The following SYNE2 variants were observed in gnomAD, a reference collection of about 807,000 sequenced individuals.
The protein encoded by SYNE2 is nesprin-2.
Under a neutral mutation model 856.3 loss-of-function variants are expected in SYNE2, and 431 were observed. That is an observed-to-expected ratio of 0.50 (90% CI 0.47 to 0.55). SYNE2 has a LOEUF of 0.55. SYNE2 is among the 20% of genes least tolerant of loss of function. The pLI, the probability that SYNE2 is intolerant of heterozygous loss-of-function variation, is 0.00. For missense variants in SYNE2, 8,129 were observed against 8,023.2 expected, an observed-to-expected ratio of 1.01 and a Z score of -0.50; for synonymous variants, 2,923 against 2,872.3, an observed-to-expected ratio of 1.02 and a Z score of -0.56.
intron 103 of SYNE2, 91 bp from the exon 104 acceptor site, chr14:64,211,870 C>T: frequency 2.5e-6 from 4 of 1,585,062 alleles, no homozygotes; most frequent in South Asian, 1.1e-5. Context: ...ATTCTGGGTA[C>T]CCTTTTCTTG....
intron 12 of SYNE2, among the ~76,000 whole-genome samples, 196 bp downstream of exon 12, chr14:63,976,923 A>G (rs542381257): frequency 6.6e-6 from 1 of 151,980 alleles, no homozygotes; most frequent in East Asian, 1.9e-4. Context: ...TAAGATTGAA[A>G]CAATTAGGAT....
intron 84 of SYNE2, among the ~76,000 whole-genome samples, chr14:64,151,753 T>G (rs2098246261): frequency 6.6e-6 from 1 of 152,190 alleles, no homozygotes; most frequent in African/African-American, 2.4e-5. Flanking sequence ...GAATTCAAAA[T>G]GAATCCCTCT....
chr14:64,085,016 C>T, intron 57 of SYNE2: 2 of 702,346 alleles, frequency 2.8e-6, no homozygotes, highest in Non-Finnish European at 5.2e-6. Context: ...AGCTGGCTTC[C>T]CTCAGCATAA....
chr14:63,945,153 G>A (rs1285061676), intron 6 of SYNE2, among the ~76,000 whole-genome samples: 1 of 80,794 alleles, frequency 1.2e-5, no homozygotes, highest in Admixed American at 1.4e-4. Flanking sequence ...GTAAACTTTT[G>A]TTGATGTATA....
chr14:63,942,818 A>G (rs1248502531), intron 6 of SYNE2, among the ~76,000 whole-genome samples: 2 of 151,784 alleles, frequency 1.3e-5, no homozygotes, highest in African/African-American at 2.4e-5. Flanking sequence ...TTTTGTAGAG[A>G]TGGGGTTTCA....
intron 101 of SYNE2, 197 bp from the exon 102 acceptor site, chr14:64,209,229 CCT>C (rs2098627198): frequency 1.0e-6 from 1 of 956,532 alleles, no homozygotes; most frequent in Non-Finnish European, 1.5e-6. Context: ...GGTTTTTTAA[CCT>C]CTGTGAAGCA....
chr14:63,886,257 G>A (rs1303128973), intron 1 of SYNE2, among the ~76,000 whole-genome samples: 1 of 152,168 alleles, frequency 6.6e-6, no homozygotes, highest in Non-Finnish European at 1.5e-5. Context: ...CAGGAGTGAG[G>A]ACCCTAATGT....
intron 2 of SYNE2, among the ~76,000 whole-genome samples, chr14:63,910,972 G>T (rs534639618): frequency 3.9e-4 from 59 of 152,184 alleles, no homozygotes; most frequent in African/African-American, 1.3e-3. Context: ...TTTTTCTTTT[G>T]TTTGTTTTGT....
chr14:64,133,600 C>T (rs1268883469), intron 77 of SYNE2, among the ~76,000 whole-genome samples: 1 of 152,148 alleles, frequency 6.6e-6, no homozygotes, highest in African/African-American at 2.4e-5. Flanking sequence ...TTGAGCAGAC[C>T]TATGCTGCAA....
chr14:63,855,489 C>T (rs1891479276), intron 1 of SYNE2, among the ~76,000 whole-genome samples: 1 of 152,164 alleles, frequency 6.6e-6, no homozygotes, highest in Admixed American at 6.5e-5. Flanking sequence ...AACCAGCTTT[C>T]TTGCTGCATG....
chr14:64,067,017 C>T (rs1036338817), intron 51 of SYNE2, among the ~76,000 whole-genome samples: 6 of 152,210 alleles, frequency 3.9e-5, no homozygotes, highest in Admixed American at 3.3e-4. Flanking sequence ...ATCTCTTATT[C>T]AAATTCAGGT....
chr14:63,911,553 G>C (rs1425029504), intron 2 of SYNE2, among the ~76,000 whole-genome samples: 2 of 152,180 alleles, frequency 1.3e-5, no homozygotes, highest in African/African-American at 4.8e-5. Flanking sequence ...AATTGAGAAA[G>C]AGGCTGCAGC....
chr14:63,906,741 C>T (rs898972721), intron 1 of SYNE2, among the ~76,000 whole-genome samples: 1 of 152,176 alleles, frequency 6.6e-6, no homozygotes, highest in Non-Finnish European at 1.5e-5. Context: ...TCTAATAGGA[C>T]TATTTTGCAT....
chr14:64,107,400 G>A (rs545864214), intron 64 of SYNE2, 91 bp from the exon 65 acceptor site: 2 of 1,175,180 alleles, frequency 1.7e-6, no homozygotes, highest in Admixed American at 1.7e-5. Flanking sequence ...TTTGCAAGCA[G>A]GTAGTTTGTA....
intron 112 of SYNE2, 110 bp downstream of exon 112, chr14:64,221,814 T>C: frequency 7.5e-7 from 1 of 1,340,486 alleles, no homozygotes; most frequent in Non-Finnish European, 1.1e-6. Flanking sequence ...CCAGTGGTGT[T>C]TGCCTGTAAA....
At chr14:63,961,664 G>A in intron 9 of SYNE2, 39 bp downstream of exon 9, 1 of 1,413,750 alleles carries the variant, frequency 7.1e-7, no homozygotes, top group Non-Finnish European at 1.0e-6. Context: ...CATTTTAGTT[G>A]TATCCTGCTA....
chr14:64,142,095 A>G lies in SYNE2; in HGVS notation c.15306+7A>G. ...TCTTCTTCAGAAGCACAAGGTAATT[A>G]TGCAAAAGGAGCAGAAGTCTTTTCA... On this transcript the variant is annotated splice_region_variant and intron_variant, in intron 82 of 115. Transcript: ENST00000555002. 1.2e-6 allele frequency: 2 copies of G among 1,614,102 alleles called. No individual in the cohort carries two copies. The highest frequency in any genetic ancestry group is 1.7e-6 in the Non-Finnish European group (2 of 1,179,952).
intron 13 of SYNE2, 41 bp downstream of exon 13, chr14:63,978,058 C>T (rs558597214): frequency 1.9e-5 from 25 of 1,306,350 alleles, no homozygotes; most frequent in African/African-American, 7.2e-5. Flanking sequence ...TCACTATTCA[C>T]GTTTGAGTAA....
intron 99 of SYNE2, among the ~76,000 whole-genome samples, chr14:64,192,875 G>A (rs960662604): frequency 1.3e-5 from 2 of 152,172 alleles, no homozygotes; most frequent in African/African-American, 4.8e-5. Context: ...AATTTGGGAG[G>A]GAATCATTTT....
Sources: gnomAD v4.1 joint callset for allele counts (sites outside exome capture counted in the v4.1 genomes callset) on GRCh38, gnomAD v4.1.1 for gene constraint, MANE v1.5 for transcripts, NCBI Gene and HGNC (gene_info 2026-07-23, HGNC 2026-07-21) for gene names.